The following B4GALT1 variants were observed in gnomAD, a reference collection of about 807,000 sequenced individuals.
The protein encoded by B4GALT1 is beta-1,4-galactosyltransferase 1.
Under a neutral mutation model 34.9 loss-of-function variants are expected in B4GALT1, and 16 were observed. The observed-to-expected ratio is 0.46, with a 90% CI of 0.31 to 0.70. The LOEUF is 0.70. Among genes scored for constraint, B4GALT1 ranks in the 30% least tolerant of loss-of-function variants. B4GALT1 has a pLI of 0.05. For synonymous variants in B4GALT1, 221 were observed against 218.1 expected (o/e 1.01, Z -0.12); for missense variants, 445 against 530.5 (o/e 0.84, Z 1.58).
chr9:33,152,545 CAAAAAAAGGGTAAAAA>C (rs933787018), intron 1 of B4GALT1, among the ~76,000 whole-genome samples: 4 of 132,124 alleles, frequency 3.0e-5, no homozygotes, highest in South Asian at 2.4e-4. Flanking sequence ...AAAAATGGGC[CAAAAAAAGGGTAAAAA>C]AAAAAAAGGG....
At chr9:33,139,778 G>A (rs1222907279) in intron 1 of B4GALT1, among the ~76,000 whole-genome samples, 2 of 152,252 alleles carry the variant, frequency 1.3e-5, no homozygotes, top group Non-Finnish European at 2.9e-5. Flanking sequence ...AGGAGGCAGA[G>A]GGCTGAGGGC....
At chr9:33,152,309 A>AATAACATAAC (rs370702963) in intron 1 of B4GALT1, among the ~76,000 whole-genome samples, 3,407 of 121,984 alleles carry the variant, frequency 0.028, 84 homozygotes, top group Admixed American at 0.045. Context: ...CTCTCCAAAA[A>AATAACATAAC]ATAACATAAC....
chr9:33,108,337 G>T (rs180879025), downstream of B4GALT1, among the ~76,000 whole-genome samples: 1 of 151,928 alleles, frequency 6.6e-6, no homozygotes, highest in African/African-American at 2.4e-5. Flanking sequence ...TAGGGGCCAG[G>T]TGCAGTGGCT....
At chr9:33,171,848 C>T (rs1329943333), upstream of B4GALT1, among the ~76,000 whole-genome samples, 1 of 152,196 alleles carries the variant, frequency 6.6e-6, no homozygotes, top group African/African-American at 2.4e-5. Context: ...AGCCATTTCA[C>T]CTGGCTGACT....
intron 1 of B4GALT1, among the ~76,000 whole-genome samples, chr9:33,145,217 T>A (rs1457944272): frequency 6.6e-6 from 1 of 151,844 alleles, no homozygotes; most frequent in Non-Finnish European, 1.5e-5. Context: ...CAGCACCCCA[T>A]CAATTTTAAA....
chr9:33,117,321 T>G (rs556946942), intron 3 of B4GALT1, among the ~76,000 whole-genome samples: 22 of 152,262 alleles, frequency 1.4e-4, no homozygotes, highest in Non-Finnish European at 1.3e-4. Context: ...ATGATGAACT[T>G]ATGTTTTAAC....
chr9:33,158,253 T>C (rs1054304104), intron 1 of B4GALT1, among the ~76,000 whole-genome samples: 7 of 152,188 alleles, frequency 4.6e-5, no homozygotes, highest in South Asian at 2.1e-4. Context: ...TAAAATGATG[T>C]AATGAATTAG....
In B4GALT1 at chr9:33,113,771, C is replaced by G; in HGVS notation, c.1064+3G>C. On this transcript the variant is annotated splice_donor_region_variant and intron_variant, in intron 5 of 5. Transcript: ENST00000379731. ...AAGGAGTATGAATAAACAAAGAATGCACCTCTGAGGATTGGGTTCATTTTT... is the reference window on the plus strand; with the variant it reads ...AAGGAGTATGAATAAACAAAGAATGGACCTCTGAGGATTGGGTTCATTTTT... 6.2e-7 allele frequency: 1 copy of G among 1,614,068 alleles called. No individual in the cohort carries two copies. The highest frequency in any genetic ancestry group is 8.5e-7 in the Non-Finnish European group (1 of 1,179,918).
At chr9:33,183,347 C>T in the B4GALT1 span, among the ~76,000 whole-genome samples, 2,131 of 150,514 alleles carry the variant, frequency 0.014, 48 homozygotes, top group African/African-American at 0.049. Context: ...ATGTTTATTG[C>T]GGCACTATTC....
intron 1 of B4GALT1, among the ~76,000 whole-genome samples, chr9:33,158,401 T>C (rs78801845): frequency 0.058 from 8,769 of 152,248 alleles, 286 homozygotes; most frequent in Non-Finnish European, 0.068. Context: ...TCAGTCCAGC[T>C]ACCCTCAGAC....
At chr9:33,147,318 C>T (rs1015245012) in intron 1 of B4GALT1, among the ~76,000 whole-genome samples, 6 of 149,974 alleles carry the variant, frequency 4.0e-5, no homozygotes, top group African/African-American at 2.5e-5. Context: ...TGTGCCATCC[C>T]GGCTTACTGC....
chr9:33,162,498 C>A (rs1273663892), intron 1 of B4GALT1, among the ~76,000 whole-genome samples: 1 of 152,192 alleles, frequency 6.6e-6, no homozygotes, highest in Non-Finnish European at 1.5e-5. Context: ...TTAGCCGTCA[C>A]GGATATCCAT....
rs1839902116 is a variant in B4GALT1, at chr9:33,113,864, C to T, written c.974G>A (p.Gly325Asp). Residue 325 changes from glycine to aspartate, a missense_variant, in exon 5 of 6, where the codon GGC becomes GAC. Coordinates refer to ENST00000379731, the MANE Select transcript of B4GALT1 (RefSeq NM_001497.4). ...DDIFNRLVFR[G>D]MSISRPNAVV... ...AGCATTTGGGCGAGATATAGACATGCCTCTAAAAACTAATCTGCAAAGAGT... is the reference window on the plus strand; with the variant it reads ...AGCATTTGGGCGAGATATAGACATGTCTCTAAAAACTAATCTGCAAAGAGT... 6.2e-7 allele frequency: 1 copy of T among 1,614,176 alleles called. No homozygotes were observed. The highest frequency in any genetic ancestry group is 1.1e-5 in the South Asian group (1 of 91,084).
chr9:33,163,968 G>C (rs977864125), intron 1 of B4GALT1, among the ~76,000 whole-genome samples: 2 of 152,214 alleles, frequency 1.3e-5, no homozygotes, highest in Non-Finnish European at 2.9e-5. Context: ...GGGGTACTAT[G>C]GCTCCAAACC....
intron 1 of B4GALT1, among the ~76,000 whole-genome samples, chr9:33,150,692 T>C (rs1200966272): frequency 6.6e-6 from 1 of 152,182 alleles, no homozygotes; most frequent in Non-Finnish European, 1.5e-5. Context: ...TTAAAATTTA[T>C]AGACTATATG....
intron 1 of B4GALT1, among the ~76,000 whole-genome samples, chr9:33,137,726 G>A (rs1840291252): frequency 6.6e-6 from 1 of 152,164 alleles, no homozygotes; most frequent in Non-Finnish European, 1.5e-5. Flanking sequence ...TGGGCAAGCT[G>A]GGTAGTAGGG....
chr9:33,108,403 G>A (rs1236656573), downstream of B4GALT1, among the ~76,000 whole-genome samples: 12 of 150,616 alleles, frequency 8.0e-5, no homozygotes, highest in South Asian at 2.1e-4. Context: ...GCTTGAAGCC[G>A]GGAGTTTGAG....
intron 2 of B4GALT1, among the ~76,000 whole-genome samples, chr9:33,126,607 TATTGTTAACCATAGTTAACC>T: frequency 6.6e-6 from 1 of 152,318 alleles, no homozygotes; most frequent in Non-Finnish European, 1.5e-5. Context: ...CATTGTTAAC[TATTGTTAACCATAGTTAACC>T]ATTGTTAACA....
the B4GALT1 span, among the ~76,000 whole-genome samples, chr9:33,173,591 GGTGTGTGT>G: frequency 6.2e-4 from 89 of 143,158 alleles, no homozygotes; most frequent in East Asian, 5.8e-3. Context: ...AAATAAGAAT[GGTGTGTGT>G]GTGTGTGTGT....
Sources: gnomAD v4.1 joint callset for allele counts (sites outside exome capture counted in the v4.1 genomes callset) on GRCh38, gnomAD v4.1.1 for gene constraint, MANE v1.5 for transcripts, NCBI Gene and HGNC (gene_info 2026-07-23, HGNC 2026-07-21) for gene names.